LRRC40: variants seen among roughly 807,000 people sequenced by gnomAD.
LRRC40 encodes leucine-rich repeat-containing protein 40.
In LRRC40, 76 loss-of-function variants were observed where a neutral mutation model predicts 72.8. The ratio of observed to expected loss-of-function variants is 1.04; its 90% confidence interval spans 0.87 to 1.26. The LOEUF is 1.26. LRRC40 is among the 50% of genes most tolerant of loss of function. The pLI is 0.00. For synonymous variants in LRRC40, 243 were observed against 254.2 expected (o/e 0.96, Z 0.42); for missense variants, 684 against 698.9 (o/e 0.98, Z 0.24).
intron 9 of LRRC40, among the ~76,000 whole-genome samples, chr1:70,164,802 A>G (rs1667844275): frequency 6.6e-6 from 1 of 152,226 alleles, no homozygotes; most frequent in African/African-American, 2.4e-5. Context: ...CCTCAAACCC[A>G]GTCCTTAAAA....
At chr1:70,171,366 T>C (rs1257270909) in intron 9 of LRRC40, among the ~76,000 whole-genome samples, 1 of 151,174 alleles carries the variant, frequency 6.6e-6, no homozygotes, top group Non-Finnish European at 1.5e-5. Context: ...ATTAAAACTT[T>C]TATACTTCAA....
At chr1:70,157,434 T>A (rs554709689) in intron 10 of LRRC40, among the ~76,000 whole-genome samples, 5 of 152,206 alleles carry the variant, frequency 3.3e-5, no homozygotes, top group Non-Finnish European at 1.5e-5. Flanking sequence ...CAAATCCGAA[T>A]AAATTTAGAA....
At chr1:70,164,419 TC>T (rs1183001710) in intron 9 of LRRC40, among the ~76,000 whole-genome samples, 1 of 151,840 alleles carries the variant, frequency 6.6e-6, no homozygotes, top group African/African-American at 2.4e-5. Context: ...AGAGTGCCAA[TC>T]CTATTCATGA....
chr1:70,163,113 G>C (rs968750151), intron 9 of LRRC40, among the ~76,000 whole-genome samples: 3 of 141,464 alleles, frequency 2.1e-5, no homozygotes, highest in Non-Finnish European at 4.5e-5. Flanking sequence ...GTCTCACTCT[G>C]TTGCCAGGCT....
chr1:70,188,958 T>A (rs555060956), intron 2 of LRRC40, 134 bp downstream of exon 2: 1 of 684,706 alleles, frequency 1.5e-6, no homozygotes, highest in African/African-American at 1.8e-5. Context: ...ACCATTATGC[T>A]ATGCCTAGAA....
Position 70,162,437 on chromosome 1 carries a change from A to AG in LRRC40, c.1112-3000dup, listed in dbSNP as rs202170943. Among the ~76,000 whole-genome samples, 1,184 of 152,306 alleles carry AG rather than the reference A, an allele frequency of 7.8e-3. 4 individuals are homozygous for AG. The highest frequency in any genetic ancestry group is 0.012 in the Non-Finnish European group (793 of 68,014). On this transcript the variant is annotated intron_variant, in intron 9 of 14. Coordinates refer to ENST00000370952, the MANE Select transcript of LRRC40 (RefSeq NM_017768.5). ...GAACTTGTTAGAAATGCAAATTTCC[A>AG]GGCTCAACCCCAAACCTATGAATCA...
At chr1:70,176,992 T>A (rs1283509242) in intron 6 of LRRC40, among the ~76,000 whole-genome samples, 2 of 152,164 alleles carry the variant, frequency 1.3e-5, no homozygotes, top group Non-Finnish European at 2.9e-5. Flanking sequence ...TACATAAAAC[T>A]AGGCCAGGCA....
chr1:70,160,389 C>T (rs1027734215), intron 9 of LRRC40, among the ~76,000 whole-genome samples: 1 of 152,000 alleles, frequency 6.6e-6, no homozygotes, highest in Non-Finnish European at 1.5e-5. Flanking sequence ...TTATTGCTTC[C>T]CAGGCAAGTA....
chr1:70,156,829 T>C (rs911811821), intron 10 of LRRC40, among the ~76,000 whole-genome samples: 1 of 152,140 alleles, frequency 6.6e-6, no homozygotes, highest in African/African-American at 2.4e-5. Context: ...ACTCAGAATG[T>C]GCACAATTTA....
chr1:70,179,369 C>A (rs1668192043), intron 5 of LRRC40, among the ~76,000 whole-genome samples: 1 of 151,936 alleles, frequency 6.6e-6, no homozygotes, highest in South Asian at 2.1e-4. Context: ...TGCCTGTAGT[C>A]CCAGCTACTT....
chr1:70,158,494 T>A (rs544131584), intron 10 of LRRC40, among the ~76,000 whole-genome samples: 87 of 152,338 alleles, frequency 5.7e-4, no homozygotes, highest in African/African-American at 2.1e-3. Context: ...TTTTTGTTGT[T>A]GTTGCCTTAG....
intron 6 of LRRC40, among the ~76,000 whole-genome samples, chr1:70,176,672 T>C (rs2100295699): frequency 6.6e-6 from 1 of 152,200 alleles, no homozygotes; most frequent in Non-Finnish European, 1.5e-5. Flanking sequence ...ATGCAGTTGG[T>C]CCTTGAACAA....
rs79714326 is a variant in LRRC40, at chr1:70,170,256, A to G, written c.1111+3209T>C. 4.9e-4 allele frequency among the ~76,000 whole-genome samples: 75 copies of G among 152,322 alleles called. No individual in the cohort carries two copies. The East Asian group carries it at 0.014, about 29-fold the overall frequency. Reference sequence around the variant, plus strand: ...AGAAAGAGAAGGGAAATTCCTTAACATGATAAAGGGCATCTACAAAAAATC... The same window carrying G: ...AGAAAGAGAAGGGAAATTCCTTAACGTGATAAAGGGCATCTACAAAAAATC... On this transcript the variant is annotated intron_variant, in intron 9 of 14. Coordinates refer to ENST00000370952, the MANE Select transcript of LRRC40 (RefSeq NM_017768.5).
In LRRC40 at chr1:70,184,799, T is replaced by A; in HGVS notation, c.523A>T (p.Asn175Tyr). 6.2e-7 allele frequency: 1 copy of A among 1,602,608 alleles called. No individual in the cohort carries two copies. Among genetic ancestry groups the A allele is most frequent in the Non-Finnish European group, 8.5e-7 (1 of 1,176,892 alleles). ...CISEGFEQLS[N>Y]LEDLDLSNNH... ...TCAGAACTTACTAAATCTTCTAAAT[T>A]GGAAAGTTGTTCAAATCCCTCTGAT... The change falls in exon 4 of 15, where the codon AAT becomes TAT. Residue 175 changes from asparagine (N) to tyrosine (Y), a missense_variant. Asn to Tyr is a moderately radical substitution (Grantham distance 143). Transcript: ENST00000370952.
intron 9 of LRRC40, among the ~76,000 whole-genome samples, chr1:70,171,824 C>T (rs1335879487): frequency 1.3e-5 from 2 of 152,012 alleles, no homozygotes; most frequent in Admixed American, 6.6e-5. Context: ...ATCATATGAT[C>T]GAGAAATATG....
intron 5 of LRRC40, 45 bp downstream of exon 5, chr1:70,181,041 C>A: frequency 7.6e-7 from 1 of 1,313,438 alleles, no homozygotes; most frequent in South Asian, 1.4e-5. Context: ...ATGTAAGTTG[C>A]ACCAACTTCA....
At chr1:70,150,401 ATGAACACAGTAAC>A (rs902027704) in intron 13 of LRRC40, among the ~76,000 whole-genome samples, 58 of 152,292 alleles carry the variant, frequency 3.8e-4, no homozygotes, top group African/African-American at 1.4e-3. Context: ...TGATTTTTAA[ATGAACACAGTAAC>A]AGAACCTACC....
At position 70,155,764 on chromosome 1, in the gene LRRC40, A is replaced by C; in HGVS notation, c.1253T>G (p.Val418Gly). The change falls in exon 11 of 15, where the codon GTG becomes GGG. Residue 418 changes from valine to glycine, a missense_variant. Val to Gly is a moderately radical substitution (Grantham distance 109). Transcript: ENST00000370952. ...DKQATLIPDE[V>G]FDAVKSNIVT... is the part of the protein sequence containing the mutation. ...GATGTTGCTTTTTACTGCATCAAAC[A>C]CCTCATCAGGAATCAAAGTTGCTTG... The C allele has an allele frequency of 6.3e-7, 1 of 1,576,048 alleles. No individual in the cohort carries two copies. Among genetic ancestry groups the C allele is most frequent in the Non-Finnish European group, 8.7e-7 (1 of 1,155,306 alleles).
At chr1:70,172,436 T>G (rs1668019395) in intron 9 of LRRC40, among the ~76,000 whole-genome samples, 1 of 152,174 alleles carries the variant, frequency 6.6e-6, no homozygotes, top group Admixed American at 6.5e-5. Context: ...TTGTGGGGTT[T>G]CTGGAAAGAA....
Sources: gnomAD v4.1 joint callset for allele counts (sites outside exome capture counted in the v4.1 genomes callset) on GRCh38, gnomAD v4.1.1 for gene constraint, MANE v1.5 for transcripts, NCBI Gene and HGNC (gene_info 2026-07-23, HGNC 2026-07-21) for gene names.